Variants in DPYSL2 observed in about 807,000 individuals in gnomAD.
DPYSL2 encodes dihydropyrimidinase-related protein 2.
A neutral mutation model predicts 69.9 loss-of-function variants in DPYSL2; 13 were observed. That is an observed-to-expected ratio of 0.19 (90% CI 0.12 to 0.30). The LOEUF (loss-of-function observed/expected upper bound fraction) is 0.30, where lower values mean the gene tolerates loss of function less well. DPYSL2 is among the 10% of genes least tolerant of loss of function. The pLI, the probability that DPYSL2 is intolerant of heterozygous loss-of-function variation, is 1.00. For synonymous variants in DPYSL2, 326 were observed against 359.1 expected, an observed-to-expected ratio of 0.91 and a Z score of 1.04; for missense variants, 587 against 918.9, an observed-to-expected ratio of 0.64 and a Z score of 4.67.
intron 3 of DPYSL2, among the ~76,000 whole-genome samples, chr8:26,589,438 G>A (rs1000445477): frequency 2.6e-5 from 4 of 152,264 alleles, no homozygotes; most frequent in African/African-American, 9.6e-5. Flanking sequence ...TAATGCCCAT[G>A]GGTGAATGAA....
At chr8:26,523,904 G>T (rs1808432658) in intron 1 of DPYSL2, among the ~76,000 whole-genome samples, 1 of 152,070 alleles carries the variant, frequency 6.6e-6, no homozygotes, top group Non-Finnish European at 1.5e-5. Context: ...ACCACATTTT[G>T]TTTATTTGTT....
rs1428666816 is a variant in DPYSL2 at position 26,580,366 on chromosome 8, A to T, written c.355-1603A>T. On this transcript the variant is annotated intron_variant, in intron 1 of 13. Transcript: ENST00000521913. This position sits in a 1 kb window ranked among gnomAD's most constrained non-coding sequence, Gnocchi z 4.1. ...TGTCATGGGAATAGAACCTGGCCTCATCTACCTCACAGATTTCTTTCGAGG... is the reference window on the plus strand; with the variant it reads ...TGTCATGGGAATAGAACCTGGCCTCTTCTACCTCACAGATTTCTTTCGAGG... Among the ~76,000 whole-genome samples, 1 of 152,186 alleles carries T rather than the reference A, an allele frequency of 6.6e-6. No homozygotes were observed. The highest frequency in any genetic ancestry group is 1.5e-5 in the Non-Finnish European group (1 of 68,020).
intron 1 of DPYSL2, among the ~76,000 whole-genome samples, chr8:26,567,602 G>GC (rs1337469098): frequency 1.3e-5 from 2 of 152,262 alleles, no homozygotes; most frequent in African/African-American, 2.4e-5. Flanking sequence ...AGTCTGTACA[G>GC]CCCCCAGTGG....
At chr8:26,526,112 C>T (rs35456886) in intron 1 of DPYSL2, among the ~76,000 whole-genome samples, 1,582 of 151,684 alleles carry the variant, frequency 0.01, 12 homozygotes, top group Non-Finnish European at 0.017. Context: ...TTTATTTTTT[C>T]GAGATGAAGT....
Position 26,634,915 on chromosome 8 carries a change from C to T in DPYSL2, c.1126+15C>T, listed in dbSNP as rs745724140. The T allele has an allele frequency of 1.4e-5, 22 of 1,613,612 alleles. No individual in the cohort carries two copies. The highest frequency in any genetic ancestry group is 1.0e-4 in the Admixed American group (6 of 59,990). ...ACGGAAGAAGGGTGAGTGCTGTGGC[C>T]GGACTGGCTGATGGCAGGTGGGGAG... On this transcript the variant is annotated intron_variant, in intron 8 of 13. Coordinates refer to ENST00000521913, the MANE Select transcript of DPYSL2 (RefSeq NM_001197293.3).
At position 26,621,504 on chromosome 8, in the gene DPYSL2, A is replaced by G. The variant is rs1402853503; in HGVS notation, c.629-2639A>G. On this transcript the variant is annotated intron_variant, in intron 3 of 13. Transcript: ENST00000521913. This position sits in a 1 kb window ranked among gnomAD's most constrained non-coding sequence, Gnocchi z 4.9. ...TGTGAGAGCCAGAAGGAAATATTCC[A>G]TCACTTATTTAGAGCATTCATTTGG... Among the ~76,000 whole-genome samples, 1 of 152,202 alleles carries G rather than the reference A, an allele frequency of 6.6e-6. No homozygotes were observed. The highest frequency in any genetic ancestry group is 1.5e-5 in the Non-Finnish European group (1 of 68,040).
rs911823564 is a variant in DPYSL2 at position 26,624,213 on chromosome 8, C to G, written c.699C>G (p.Asp233Glu). 1.2e-6 allele frequency: 2 copies of G among 1,614,212 alleles called. No homozygotes were observed. The highest frequency in any genetic ancestry group is 1.7e-6 in the Non-Finnish European group (2 of 1,180,046). ...AAFDQWREWA[D>E]SKSCCDYSLH... The stretch of plus-strand genomic sequence containing the variant: ...TTGACCAGTGGAGGGAATGGGCCGA[C>G]AGCAAGTCCTGCTGTGACTACTCTC... The change falls in exon 4 of 14, where the codon GAC becomes GAG. Residue 233 changes from aspartate to glutamate, a missense_variant. Physicochemically the swap from Asp to Glu is conservative, Grantham distance 45. Transcript: ENST00000521913. The surrounding 1 kb of genome is among the most constrained non-coding windows in gnomAD (Gnocchi z 4.7).
At chr8:26,578,520 G>T in intron 1 of DPYSL2, 1 of 1,420,606 alleles carries the variant, frequency 7.0e-7, no homozygotes, top group Non-Finnish European at 9.1e-7. Context: ...GCGAGTGCAC[G>T]AAGGTAGCCT....
chr8:26,578,203 A>G, intron 1 of DPYSL2: 1 of 1,611,998 alleles, frequency 6.2e-7, no homozygotes, highest in Non-Finnish European at 8.5e-7. Context: ...CCTTCCCGGC[A>G]GTTTTTGCCT....
At chr8:26,636,781 C>CA (rs1802927692) in intron 8 of DPYSL2, among the ~76,000 whole-genome samples, 2 of 152,092 alleles carry the variant, frequency 1.3e-5, no homozygotes, top group Non-Finnish European at 2.9e-5. Context: ...CACTCTGTCG[C>CA]CCAGGCAGGC....
In DPYSL2 at chr8:26,610,515, G is replaced by A. The variant is rs1802200651; in HGVS notation, c.629-13628G>A. On this transcript the variant is annotated intron_variant, in intron 3 of 13. Coordinates refer to ENST00000521913, the MANE Select transcript of DPYSL2 (RefSeq NM_001197293.3). The surrounding 1 kb of genome is among the most constrained non-coding windows in gnomAD (Gnocchi z 4.5). ...GTCTTGTTTGTTTGGGTCGTATGCA[G>A]TTTCATGCAGAAGACTTAGCTAGAT... 2.0e-5 allele frequency among the ~76,000 whole-genome samples: 3 copies of A among 152,170 alleles called. No individual in the cohort carries two copies. Among genetic ancestry groups the A allele is most frequent in the Admixed American group, 2.0e-4 (3 of 15,282 alleles).
At chr8:26,595,816 T>C (rs1392898838) in intron 3 of DPYSL2, among the ~76,000 whole-genome samples, 2 of 152,120 alleles carry the variant, frequency 1.3e-5, no homozygotes, top group Non-Finnish European at 1.5e-5. Flanking sequence ...CTTCCTCTTT[T>C]GTAGTGTCAA....
chr8:26,640,405 A>T lies in DPYSL2; in HGVS notation c.1127-3034A>T, dbSNP rs191722960. ...GATAGCATCAGCAGTGTATTTAGAG[A>T]AGTGCAGAAGGGCCAATTAAGCCCA... On this transcript the variant is annotated intron_variant, in intron 8 of 13. Transcript: ENST00000521913. This position sits in a 1 kb window ranked among gnomAD's most constrained non-coding sequence, Gnocchi z 4.2. 1.3e-5 allele frequency among the ~76,000 whole-genome samples: 2 copies of T among 152,330 alleles called. No homozygotes were observed. Among genetic ancestry groups the T allele is most frequent in the Non-Finnish European group, 2.9e-5 (2 of 68,020 alleles).
In DPYSL2 at chr8:26,648,988, A is replaced by G. The variant is rs1012184627; in HGVS notation, c.1596+1188A>G. ...GATCGCGCCCCTTACAGCCCAGATC[A>G]TGACTTCTTGGGTGTCCTGACTGGC... On this transcript the variant is annotated intron_variant, in intron 11 of 13. Coordinates refer to ENST00000521913, the MANE Select transcript of DPYSL2 (RefSeq NM_001197293.3). The surrounding 1 kb of genome is among the most constrained non-coding windows in gnomAD (Gnocchi z 4.3). Among the ~76,000 whole-genome samples, 2 of 152,204 alleles carry G rather than the reference A, an allele frequency of 1.3e-5. No individual in the cohort carries two copies. The highest frequency in any genetic ancestry group is 2.9e-5 in the Non-Finnish European group (2 of 68,040).
intron 1 of DPYSL2, among the ~76,000 whole-genome samples, chr8:26,575,651 G>C (rs1259221136): frequency 2.0e-5 from 3 of 152,188 alleles, no homozygotes; most frequent in South Asian, 2.1e-4. Context: ...TGAAGCCAAT[G>C]AGACAGACAC....
At chr8:26,515,120 G>A (rs911313283) in intron 1 of DPYSL2, among the ~76,000 whole-genome samples, 3 of 152,196 alleles carry the variant, frequency 2.0e-5, no homozygotes, top group African/African-American at 7.2e-5. Context: ...CCCGGTGGTC[G>A]GGAGGGGCGG....
chr8:26,637,362 A>G (rs1219089884), intron 8 of DPYSL2, among the ~76,000 whole-genome samples: 1 of 152,218 alleles, frequency 6.6e-6, no homozygotes, highest in Non-Finnish European at 1.5e-5. Flanking sequence ...TTTGGGAGGC[A>G]GCCCTGGCAG....
chr8:26,655,598 T>TTCTCCTCTCC lies in DPYSL2; in HGVS notation c.1943-16_1943-7dup. 1.3e-6 allele frequency: 2 copies of TTCTCCTCTCC among 1,593,886 alleles called. No individual in the cohort carries two copies. The highest frequency in any genetic ancestry group is 1.7e-6 in the Non-Finnish European group (2 of 1,165,454). On this transcript the variant is annotated splice_polypyrimidine_tract_variant and intron_variant, in intron 13 of 13. Coordinates refer to ENST00000521913, the MANE Select transcript of DPYSL2 (RefSeq NM_001197293.3). ...TCCTGGCCCCTCACCCGCTCCTCTC[T>TTCTCCTCTCC]TCTCCTCTCCCTCCAGGTGCTCAGA...
chr8:26,608,309 A>G (rs772198808), intron 3 of DPYSL2, among the ~76,000 whole-genome samples: 28 of 152,166 alleles, frequency 1.8e-4, no homozygotes, highest in Non-Finnish European at 2.9e-4. Flanking sequence ...AGTAATAGTG[A>G]CTTTTTTTGG....
Sources: gnomAD v4.1 joint callset for allele counts (sites outside exome capture counted in the v4.1 genomes callset) on GRCh38, gnomAD v4.1.1 for gene constraint, Gnocchi (gnomAD v3.1) non-coding constraint, MANE v1.5 for transcripts, NCBI Gene and HGNC (gene_info 2026-07-23, HGNC 2026-07-21) for gene names.